The following TENM4 variants were observed in gnomAD, a reference collection of about 807,000 sequenced individuals.
TENM4 encodes teneurin-4.
TENM4 carries 82 observed loss-of-function variants against 243.3 expected under a neutral mutation model. The ratio of observed to expected loss-of-function variants is 0.34; its 90% confidence interval spans 0.28 to 0.40. TENM4 has a LOEUF of 0.40. Ranked by LOEUF, TENM4 falls within the 10% of genes least tolerant of loss-of-function variation. The probability of loss-of-function intolerance (pLI) is 1.00; values close to 1 mark genes in which losing one functional copy is unlikely to be tolerated. For missense variants in TENM4, 3,138 were observed against 3,673.3 expected (o/e 0.85, Z 3.77); for synonymous variants, 1,412 against 1,456.3 (o/e 0.97, Z 0.69).
chr11:78,871,312 G>T (rs1859121239), intron 9 of TENM4, among the ~76,000 whole-genome samples: 1 of 152,066 alleles, frequency 6.6e-6, no homozygotes, highest in Non-Finnish European at 1.5e-5. Context: ...CATGGAGCTT[G>T]GTATTTACTG....
intron 1 of TENM4, among the ~76,000 whole-genome samples, chr11:79,414,186 A>ACACG (rs1306267996): frequency 2.6e-5 from 4 of 151,124 alleles, no homozygotes; most frequent in African/African-American, 4.9e-5. Flanking sequence ...ACACACACGC[A>ACACG]CACAAACATG....
At chr11:78,928,135 C>A (rs1856590155) in intron 6 of TENM4, among the ~76,000 whole-genome samples, 1 of 152,144 alleles carries the variant, frequency 6.6e-6, no homozygotes, top group South Asian at 2.1e-4. Flanking sequence ...CCCAGCAAGA[C>A]CCCACCTTCC....
chr11:78,844,372 G>A (rs1272387858), intron 12 of TENM4, among the ~76,000 whole-genome samples: 1 of 152,298 alleles, frequency 6.6e-6, no homozygotes, highest in East Asian at 1.9e-4. Flanking sequence ...GGCCGGGTGC[G>A]GTGGCTCATG....
intron 3 of TENM4, among the ~76,000 whole-genome samples, chr11:79,203,046 C>T (rs1040961029): frequency 2.6e-5 from 4 of 152,078 alleles, no homozygotes; most frequent in Admixed American, 2.6e-4. Flanking sequence ...AGCTAGTAAA[C>T]AGCAAAACTG....
Position 78,812,182 on chromosome 11 carries a change from T to C in TENM4, c.1918A>G (p.Thr640Ala). The C allele has an allele frequency of 6.4e-7, 1 of 1,551,848 alleles. No homozygotes were observed. The highest frequency in any genetic ancestry group is 8.7e-7 in the Non-Finnish European group (1 of 1,147,056). ...CIDVACSNHG[T>A]CITGTCICNP... ...CAGATGCAGGTGCCCGTGATGCAGGTGCCATGGTTGCTGCAGGCCACATCG... is the reference window on the plus strand; with the variant it reads ...CAGATGCAGGTGCCCGTGATGCAGGCGCCATGGTTGCTGCAGGCCACATCG... Residue 640 changes from threonine (T) to alanine (A), a missense_variant, in exon 14 of 34, where the codon ACC (threonine) becomes GCC (alanine). By Grantham distance (58) the Thr-to-Ala change is moderately conservative. Transcript: ENST00000278550.
intron 4 of TENM4, among the ~76,000 whole-genome samples, chr11:79,080,580 T>TC (rs1206685794): frequency 6.6e-6 from 1 of 152,024 alleles, no homozygotes; most frequent in African/African-American, 2.4e-5. Context: ...AGCCTGAATG[T>TC]CCCCCCTGCA....
chr11:78,854,041 C>T lies in TENM4; in HGVS notation c.1681+63G>A, dbSNP rs1591072620. On this transcript the variant is annotated intron_variant, in intron 12 of 33. Coordinates refer to ENST00000278550, the MANE Select transcript of TENM4 (RefSeq NM_001098816.3). ...CTTGTCAGTGTCAGTCCCAGAATCTCCATGCAGCCTCCGACCAAAAGAGAC... is the reference window on the plus strand; with the variant it reads ...CTTGTCAGTGTCAGTCCCAGAATCTTCATGCAGCCTCCGACCAAAAGAGAC... The T allele has an allele frequency of 4.1e-6, 6 of 1,466,634 alleles. No homozygotes were observed. In the South Asian group the frequency reaches 8.0e-5, roughly 19 times the overall value. The allele number at this position is 1,466,634 out of a possible 1,614,324, so 90.9% of individuals were successfully genotyped here. A position where few individuals can be genotyped will look rare whatever the true frequency, so the allele number is the denominator to read the frequency against.
At chr11:78,810,198 G>C (rs929164983) in intron 14 of TENM4, among the ~76,000 whole-genome samples, 5 of 152,162 alleles carry the variant, frequency 3.3e-5, no homozygotes, top group African/African-American at 1.2e-4. Flanking sequence ...CAAGGACAAC[G>C]CAATGACGCT....
intron 18 of TENM4, among the ~76,000 whole-genome samples, chr11:78,766,665 A>T (rs1437818069): frequency 6.6e-6 from 1 of 151,818 alleles, no homozygotes; most frequent in Non-Finnish European, 1.5e-5. Flanking sequence ...ACAAACTAAT[A>T]AAGCTGCTCC....
intron 1 of TENM4, among the ~76,000 whole-genome samples, chr11:79,387,320 T>C (rs180679655): frequency 1.9e-3 from 284 of 152,328 alleles, no homozygotes; most frequent in Non-Finnish European, 3.2e-3. Flanking sequence ...TCTGGTTACA[T>C]TGGTATGTTA....
chr11:79,096,123 A>AAT, intron 4 of TENM4: 1 of 152,368 alleles, frequency 6.6e-6, no homozygotes, highest in Middle Eastern at 3.4e-3. Context: ...TTCCACAAGT[A>AAT]ATGCAACATC....
intron 1 of TENM4, among the ~76,000 whole-genome samples, chr11:79,354,056 C>T (rs530965): frequency 0.48 from 72,834 of 152,096 alleles, 17,667 homozygotes; most frequent in Non-Finnish European, 0.49. Context: ...AATGCAGACC[C>T]ATTGTTTATT....
intron 24 of TENM4, among the ~76,000 whole-genome samples, chr11:78,721,104 C>A (rs961156164): frequency 1.4e-4 from 22 of 152,298 alleles, no homozygotes; most frequent in Non-Finnish European, 2.2e-4. Flanking sequence ...AGTTGCACAG[C>A]TTCTCTGCCG....
chr11:78,922,623 T>C (rs1383647019), intron 6 of TENM4, among the ~76,000 whole-genome samples: 1 of 152,186 alleles, frequency 6.6e-6, no homozygotes, highest in Non-Finnish European at 1.5e-5. Flanking sequence ...TGCATGGTGA[T>C]CCAAAGACTA....
chr11:78,661,717 A>C, intron 32 of TENM4, 126 bp from the exon 33 acceptor site: 1 of 1,206,028 alleles, frequency 8.3e-7, no homozygotes. Context: ...CTGGTGGGAG[A>C]GTCAACTGCT....
At position 78,879,290 on chromosome 11, in the gene TENM4, G is replaced by A. The variant is rs535997068; in HGVS notation, c.1084+10495C>T. 9.5e-4 allele frequency among the ~76,000 whole-genome samples: 91 copies of A among 96,198 alleles called. 1 individual carries two copies. The highest frequency in any genetic ancestry group is 1.6e-3 in the Non-Finnish European group (72 of 43,930). The allele number at this position is 96,198 out of a possible 152,430, so 63.1% of individuals were successfully genotyped here. ...GGCAGCCGCCCTGTCTGGGATGTGA[G>A]GAGCGCCTTTGCCCAGCCGCCACCC... On this transcript the variant is annotated intron_variant, in intron 9 of 33. Transcript: ENST00000278550.
At chr11:79,244,256 C>T (rs1448665013) in intron 2 of TENM4, among the ~76,000 whole-genome samples, 1 of 152,174 alleles carries the variant, frequency 6.6e-6, no homozygotes, top group Non-Finnish European at 1.5e-5. Flanking sequence ...TAGACTGTGG[C>T]TCCACCGGGG....
chr11:79,144,365 T>C (rs904992375), intron 4 of TENM4, among the ~76,000 whole-genome samples: 3 of 151,888 alleles, frequency 2.0e-5, no homozygotes, highest in Admixed American at 6.6e-5. Flanking sequence ...TGGAGAACAG[T>C]TTGGAGGTTC....
chr11:79,390,600 G>GCCA (rs35773142), intron 1 of TENM4, among the ~76,000 whole-genome samples: 3 of 37,120 alleles, frequency 8.1e-5, no homozygotes, highest in African/African-American at 2.3e-4. Context: ...GGAAAGAGAG[G>GCCA]CCGATTCAGA....
Sources: gnomAD v4.1 joint callset for allele counts (sites outside exome capture counted in the v4.1 genomes callset) on GRCh38, gnomAD v4.1.1 for gene constraint, MANE v1.5 for transcripts, NCBI Gene and HGNC (gene_info 2026-07-23, HGNC 2026-07-21) for gene names.